Variants in FAM120C observed in about 807,000 individuals in gnomAD.
FAM120C encodes constitutive coactivator of PPAR-gamma-like protein 2.
A neutral mutation model predicts 71.2 loss-of-function variants in FAM120C; 14 were observed. The observed-to-expected ratio is 0.20, with a 90% CI of 0.13 to 0.31. The LOEUF (loss-of-function observed/expected upper bound fraction) is 0.31. Among genes scored for constraint, FAM120C ranks in the 10% least tolerant of loss-of-function variants. The pLI, the probability that FAM120C is intolerant of heterozygous loss-of-function variation, is 1.00. For synonymous variants in FAM120C, 354 were observed against 353.2 expected (o/e 1.00, Z -0.03); for missense variants, 500 against 879.0 (o/e 0.57, Z 5.45).
chrX:54,087,013 G>A (rs1486745625), intron 12 of FAM120C, among the ~76,000 whole-genome samples: 1 of 109,772 alleles, frequency 9.1e-6, no homozygotes, highest in African/African-American at 3.3e-5. Context: ...AGTTAAGTAA[G>A]GTTTCCTTTC....
chrX:54,112,476 C>T lies in FAM120C; in HGVS notation c.2312+4069G>A, dbSNP rs184343499. Among the ~76,000 whole-genome samples, 42 of 109,876 alleles carry T rather than the reference C, an allele frequency of 3.8e-4. No homozygotes were observed. The East Asian group carries it at 0.011, about 29-fold the overall frequency. The stretch of plus-strand genomic sequence containing the variant: ...ATCCCAGAATTTTGGGAGGCTGAGA[C>T]GGGCGGATCACCTGAGGTCGAGAGT... On this transcript the variant is annotated intron_variant, in intron 10 of 15. Coordinates refer to ENST00000375180, the MANE Select transcript of FAM120C (RefSeq NM_017848.6).
rs181758804 is a variant in FAM120C, at chrX:54,132,116, C to T, written c.2062+576G>A. ...TGTCACCCAGGCTGGAGTACAGTAACACGATCAGGGCTCACTGCAGCCTTG... is the reference window on the plus strand; with the variant it reads ...TGTCACCCAGGCTGGAGTACAGTAATACGATCAGGGCTCACTGCAGCCTTG... On this transcript the variant is annotated intron_variant, in intron 9 of 15. Transcript: ENST00000375180. Among the ~76,000 whole-genome samples, 12 of 110,236 alleles carry T rather than the reference C, an allele frequency of 1.1e-4. 1 individual carries two copies. The Admixed American group carries it at 1.2e-3, about 11-fold the overall frequency.
At position 54,136,943 on chromosome X, in the gene FAM120C, TTTATTA is replaced by T. The variant is rs200501762; in HGVS notation, c.1159-359_1159-354del. 8.4e-5 allele frequency among the ~76,000 whole-genome samples: 9 copies of T among 107,695 alleles called. No individual in the cohort carries two copies. In the South Asian group the frequency reaches 1.2e-3, roughly 14 times the overall value. 93.5% of individuals were successfully genotyped at this position (107,695 alleles called of 115,157 possible). On this transcript the variant is annotated intron_variant, in intron 4 of 15. Transcript: ENST00000375180. ...TTACAGTATGTTTTAATTTTATTAT[TTTATTA>T]TTATTATTATTATTATTATTTGAGA... is the stretch of plus-strand genomic sequence containing the variant.
chrX:54,147,053 T>G (rs2067160116), intron 4 of FAM120C, among the ~76,000 whole-genome samples: 1 of 108,734 alleles, frequency 9.2e-6, no homozygotes, highest in Non-Finnish European at 2.0e-5. Context: ...TGGTGGCTCA[T>G]TCCTGTAATC....
chrX:54,114,418 G>GT (rs1208473190), intron 10 of FAM120C, among the ~76,000 whole-genome samples: 7 of 109,105 alleles, frequency 6.4e-5, no homozygotes, highest in East Asian at 2.9e-4. Context: ...TAAAAATAAA[G>GT]TTTTTTTTTG....
chrX:54,081,507 C>T (rs1557121301), intron 13 of FAM120C, 47 bp from the exon 14 acceptor site: 7 of 1,166,909 alleles, frequency 6.0e-6, no homozygotes, highest in Non-Finnish European at 8.0e-6. Flanking sequence ...TGTGGTGGTT[C>T]ACGCCTGTAA....
intron 1 of FAM120C, among the ~76,000 whole-genome samples, chrX:54,163,884 T>G (rs1235889609): frequency 9.7e-6 from 1 of 102,989 alleles, no homozygotes; most frequent in Admixed American, 1.0e-4. Flanking sequence ...CCTTTTTATG[T>G]TGTGTGTGTG....
chrX:54,165,180 CATA>C (rs1744269842), intron 1 of FAM120C, among the ~76,000 whole-genome samples: 2 of 111,363 alleles, frequency 1.8e-5, no homozygotes, highest in African/African-American at 6.5e-5. Flanking sequence ...TTCTTAATAT[CATA>C]ATATCTAGTG....
At chrX:54,126,023 T>C (rs1463686692) in intron 9 of FAM120C, among the ~76,000 whole-genome samples, 1 of 112,410 alleles carries the variant, frequency 8.9e-6, no homozygotes, top group Non-Finnish European at 1.9e-5. Context: ...TGTTAGTATA[T>C]AGAAAGGTAA....
At chrX:54,177,164 T>C (rs782620389) in intron 1 of FAM120C, among the ~76,000 whole-genome samples, 2 of 111,047 alleles carry the variant, frequency 1.8e-5, no homozygotes, top group Non-Finnish European at 3.8e-5. Context: ...TGGGATCAGA[T>C]TGTGAAGGGC....
At chrX:54,129,134 C>T (rs1165700037) in intron 9 of FAM120C, among the ~76,000 whole-genome samples, 12 of 105,132 alleles carry the variant, frequency 1.1e-4, no homozygotes, top group Middle Eastern at 5.1e-3. Flanking sequence ...ACGGGGCGGC[C>T]GGCCGGGGCG....
chrX:54,140,204 G>A (rs1253225537), intron 4 of FAM120C, among the ~76,000 whole-genome samples: 1 of 107,077 alleles, frequency 9.3e-6, no homozygotes, highest in Non-Finnish European at 1.9e-5. Flanking sequence ...GCTGAGGCAG[G>A]AGAATTGCAT....
intron 1 of FAM120C, among the ~76,000 whole-genome samples, chrX:54,169,546 T>C (rs2067276910): frequency 9.0e-6 from 1 of 111,714 alleles, no homozygotes; most frequent in Non-Finnish European, 1.9e-5. Context: ...ACCTCTGCGG[T>C]ACTTGACTTC....
rs2067363376 is a variant in FAM120C, at chrX:54,183,022, G to C, written c.177C>G (p.Gly59=). The change falls in exon 1 of 16, where the codon GGC becomes GGG. Residue 59 remains glycine (G), a synonymous_variant. Coordinates refer to ENST00000375180, the MANE Select transcript of FAM120C (RefSeq NM_017848.6). ...GAAGCGGCGGTTGCAGAGGCACGGA[G>C]CCCCTGGCGGCGCGTGGAGCCCCGG... is the stretch of plus-strand genomic sequence containing the variant. The part of the protein sequence containing the change: ...LAPGAPRAAR[G]SVPLQPPLPP... 1 of 1,158,056 alleles carries C rather than the reference G, an allele frequency of 8.6e-7. No individual in the cohort carries two copies. The highest frequency in any genetic ancestry group is 1.1e-6 in the Non-Finnish European group (1 of 871,338).
chrX:54,091,892 G>A (rs1460435352), intron 10 of FAM120C, among the ~76,000 whole-genome samples: 1 of 111,224 alleles, frequency 9.0e-6, no homozygotes, highest in African/African-American at 3.3e-5. Context: ...AAGCACGTTT[G>A]GAGTGACAGG....
intron 12 of FAM120C, 130 bp downstream of exon 12, chrX:54,087,625 A>G: frequency 5.1e-6 from 3 of 582,769 alleles, no homozygotes; most frequent in Non-Finnish European, 5.5e-6. Flanking sequence ...TGACTGAGTC[A>G]GGTTAAAGTG....
intron 9 of FAM120C, 116 bp from the exon 10 acceptor site, chrX:54,116,910 A>G (rs1173100824): frequency 1.3e-5 from 12 of 905,804 alleles, no homozygotes; most frequent in African/African-American, 4.0e-5. Context: ...TTCTGTCACA[A>G]TAATTTTTAT....
At chrX:54,176,432 CAAAAAAAA>C (rs1197918401) in intron 1 of FAM120C, among the ~76,000 whole-genome samples, 1 of 36,402 alleles carries the variant, frequency 2.7e-5, no homozygotes. Flanking sequence ...GACTCTGTCT[CAAAAAAAA>C]AAAAAAAAAA....
At chrX:54,077,829 C>G (rs782763400) in intron 15 of FAM120C, among the ~76,000 whole-genome samples, 1 of 109,751 alleles carries the variant, frequency 9.1e-6, no homozygotes, top group South Asian at 4.0e-4. Flanking sequence ...TCTCTCACCC[C>G]CTTCTTCCCC....
Sources: gnomAD v4.1 joint callset for allele counts (sites outside exome capture counted in the v4.1 genomes callset) on GRCh38, gnomAD v4.1.1 for gene constraint, MANE v1.5 for transcripts, NCBI Gene and HGNC (gene_info 2026-07-23, HGNC 2026-07-21) for gene names.